The following GRK5 variants were observed in gnomAD, a reference collection of about 807,000 sequenced individuals.
The protein encoded by GRK5 is g protein-coupled receptor kinase GRK5.
GRK5 carries 40 observed loss-of-function variants against 78.4 expected under a neutral mutation model. The observed-to-expected ratio is 0.51, with a 90% CI of 0.40 to 0.66. GRK5 has a LOEUF of 0.66. Among genes scored for constraint, GRK5 ranks in the 30% least tolerant of loss-of-function variants. The pLI is 0.00. For synonymous variants in GRK5, 289 were observed against 296.8 expected, an observed-to-expected ratio of 0.97 and a Z score of 0.27; for missense variants, 598 against 759.9, an observed-to-expected ratio of 0.79 and a Z score of 2.50.
chr10:119,263,045 C>T (rs1169510671), intron 1 of GRK5, among the ~76,000 whole-genome samples: 3 of 151,736 alleles, frequency 2.0e-5, no homozygotes, highest in East Asian at 3.9e-4. Flanking sequence ...TCTTGCTCTG[C>T]CATCCAGGCT....
At chr10:119,420,320 G>A (rs1852541779) in intron 4 of GRK5, among the ~76,000 whole-genome samples, 2 of 141,570 alleles carry the variant, frequency 1.4e-5, no homozygotes, top group Non-Finnish European at 1.5e-5. Flanking sequence ...TCATTTGGAG[G>A]AGAAAAGTTT....
intron 1 of GRK5, among the ~76,000 whole-genome samples, chr10:119,322,877 G>C (rs552542218): frequency 6.6e-6 from 1 of 152,202 alleles, no homozygotes. Flanking sequence ...AGCGTTATAC[G>C]TAATAGCTAA....
At chr10:119,383,316 C>T (rs1227563344) in intron 3 of GRK5, among the ~76,000 whole-genome samples, 2 of 152,208 alleles carry the variant, frequency 1.3e-5, no homozygotes, top group African/African-American at 4.8e-5. Context: ...ATTCGACTTC[C>T]TCAGTGGTTT....
At chr10:119,337,207 G>A (rs762068982) in intron 2 of GRK5, among the ~76,000 whole-genome samples, 1 of 152,158 alleles carries the variant, frequency 6.6e-6, no homozygotes, top group Non-Finnish European at 1.5e-5. Flanking sequence ...AGTTTGAAAC[G>A]CACTGTTCTA....
chr10:119,265,613 G>A (rs1849482451), intron 1 of GRK5, among the ~76,000 whole-genome samples: 1 of 152,202 alleles, frequency 6.6e-6, no homozygotes, highest in African/African-American at 2.4e-5. Context: ...TAGACTCACG[G>A]GCAATGAATT....
intron 2 of GRK5, among the ~76,000 whole-genome samples, chr10:119,340,361 A>G (rs1170994132): frequency 6.6e-6 from 1 of 152,162 alleles, no homozygotes; most frequent in African/African-American, 2.4e-5. Context: ...TCTTGGCCTC[A>G]AGTAATCTGC....
intron 1 of GRK5, among the ~76,000 whole-genome samples, chr10:119,234,926 C>T (rs1002543496): frequency 6.6e-6 from 1 of 151,978 alleles, no homozygotes; most frequent in Non-Finnish European, 1.5e-5. Flanking sequence ...CAGCCTGCCT[C>T]GGCCTCCCAA....
intron 1 of GRK5, among the ~76,000 whole-genome samples, chr10:119,222,327 G>A (rs1053939200): frequency 6.6e-6 from 1 of 152,052 alleles, no homozygotes; most frequent in Non-Finnish European, 1.5e-5. Context: ...AATGTATCAG[G>A]TCGGGGGGCA....
At chr10:119,375,036 G>T (rs949751623) in intron 2 of GRK5, among the ~76,000 whole-genome samples, 3 of 152,188 alleles carry the variant, frequency 2.0e-5, no homozygotes, top group Non-Finnish European at 4.4e-5. Flanking sequence ...TAATACACTT[G>T]CTGGCCACTC....
chr10:119,374,914 A>C (rs1851600198), intron 2 of GRK5, among the ~76,000 whole-genome samples: 1 of 152,116 alleles, frequency 6.6e-6, no homozygotes, highest in Non-Finnish European at 1.5e-5. Context: ...CCTCCCCTGA[A>C]GCAGATGCCA....
chr10:119,293,343 C>A (rs950951397), intron 1 of GRK5, among the ~76,000 whole-genome samples: 1 of 152,256 alleles, frequency 6.6e-6, no homozygotes, highest in Admixed American at 6.5e-5. Flanking sequence ...TTTTCTCTGG[C>A]GACGCCCAGT....
intron 2 of GRK5, chr10:119,334,511 C>G (rs1404294916): frequency 6.6e-6 from 1 of 152,100 alleles, no homozygotes; most frequent in Non-Finnish European, 1.5e-5. Flanking sequence ...CATGGGAGAT[C>G]ATTAGAGAGC....
intron 1 of GRK5, among the ~76,000 whole-genome samples, chr10:119,295,313 G>A (rs1161886753): frequency 2.0e-5 from 3 of 151,810 alleles, no homozygotes; most frequent in Non-Finnish European, 4.4e-5. Context: ...CACAGTTGGC[G>A]CTCAATAGAT....
chr10:119,306,881 G>A (rs986496718), intron 1 of GRK5, among the ~76,000 whole-genome samples: 3 of 152,072 alleles, frequency 2.0e-5, no homozygotes, highest in East Asian at 1.9e-4. Flanking sequence ...CTTTGGGCTC[G>A]TCTGTACTAG....
At chr10:119,343,786 C>T (rs1851024830) in intron 2 of GRK5, among the ~76,000 whole-genome samples, 1 of 152,182 alleles carries the variant, frequency 6.6e-6, no homozygotes, top group African/African-American at 2.4e-5. Flanking sequence ...CTCTGATAGC[C>T]GCTGTCTGCA....
intron 1 of GRK5, among the ~76,000 whole-genome samples, chr10:119,313,041 G>GTGA (rs1850399542): frequency 6.6e-6 from 1 of 151,310 alleles, no homozygotes. Flanking sequence ...AGTGGTGATG[G>GTGA]TGGTGGTGGT....
rs115950300 is a variant in GRK5, at chr10:119,413,145, A to G, written c.340-10021A>G. ...GGTCAAATGAAACCATGAGACCGAC[A>G]CGGCGGTACCTAGGCTGGGAACCCC... On this transcript the variant is annotated intron_variant, in intron 4 of 15. Transcript: ENST00000392870. 2.0e-5 allele frequency among the ~76,000 whole-genome samples: 3 copies of G among 151,948 alleles called. 1 individual carries two copies. The highest frequency in any genetic ancestry group is 4.2e-4 in the South Asian group (2 of 4,796).
At chr10:119,422,880 A>G (rs933020424) in intron 4 of GRK5, among the ~76,000 whole-genome samples, 3 of 152,222 alleles carry the variant, frequency 2.0e-5, no homozygotes, top group African/African-American at 7.2e-5. Context: ...AGTGACCTCC[A>G]TGAGGTCACA....
intron 4 of GRK5, among the ~76,000 whole-genome samples, chr10:119,406,851 A>G (rs865885937): frequency 1.1e-4 from 17 of 152,264 alleles, no homozygotes; most frequent in Admixed American, 8.5e-4. Context: ...AGAGAGAGGA[A>G]TTCACAAATC....
Sources: gnomAD v4.1 joint callset for allele counts (sites outside exome capture counted in the v4.1 genomes callset) on GRCh38, gnomAD v4.1.1 for gene constraint, MANE v1.5 for transcripts, NCBI Gene and HGNC (gene_info 2026-07-23, HGNC 2026-07-21) for gene names.